The following STXBP5 variants were observed in gnomAD, a reference collection of about 807,000 sequenced individuals.
STXBP5 encodes the protein syntaxin-binding protein 5.
In STXBP5, 50 loss-of-function variants were observed where a neutral mutation model predicts 152.4. That is an observed-to-expected ratio of 0.33 (90% CI 0.26 to 0.42). The LOEUF is 0.42. Ranked by LOEUF, STXBP5 falls within the 10% of genes least tolerant of loss-of-function variation. The pLI is 1.00. For missense variants in STXBP5, 1,167 were observed against 1,388.6 expected, an observed-to-expected ratio of 0.84 and a Z score of 2.54; for synonymous variants, 492 against 494.7, an observed-to-expected ratio of 0.99 and a Z score of 0.07.
intron 21 of STXBP5, among the ~76,000 whole-genome samples, chr6:147,349,153 G>T (rs962772193): frequency 6.6e-6 from 1 of 151,768 alleles, no homozygotes; most frequent in Admixed American, 6.6e-5. Context: ...CATTCATTCT[G>T]TGCATTGAAA....
chr6:147,208,966 C>G (rs1247873294), intron 2 of STXBP5, among the ~76,000 whole-genome samples: 1 of 151,998 alleles, frequency 6.6e-6, no homozygotes, highest in East Asian at 1.9e-4. Flanking sequence ...ATGCTGAATG[C>G]TAAACCTTCT....
chr6:147,363,851 TA>T (rs1785176809), intron 24 of STXBP5, 147 bp downstream of exon 24: 5 of 1,376,266 alleles, frequency 3.6e-6, no homozygotes, highest in Non-Finnish European at 4.9e-6. Flanking sequence ...TGAACAAGTA[TA>T]TGAGGAGTAT....
At chr6:147,214,639 T>C (rs1777066507) in intron 2 of STXBP5, among the ~76,000 whole-genome samples, 1 of 152,244 alleles carries the variant, frequency 6.6e-6, no homozygotes, top group African/African-American at 2.4e-5. Context: ...GTTGAGCCTT[T>C]AAAATTTTGA....
intron 1 of STXBP5, 21 bp from the exon 2 acceptor site, chr6:147,205,950 A>T (rs762625309): frequency 1.3e-6 from 2 of 1,599,192 alleles, no homozygotes. Context: ...GGTTGCTGTG[A>T]TGTCACTTGC....
chr6:147,273,195 T>TA (rs61153710), intron 7 of STXBP5, among the ~76,000 whole-genome samples: 50 of 129,280 alleles, frequency 3.9e-4, no homozygotes, highest in South Asian at 7.6e-4. Context: ...TCTAAAAAAG[T>TA]AAAAAAAAAA....
intron 4 of STXBP5, among the ~76,000 whole-genome samples, chr6:147,256,632 ACT>A (rs1309450721): frequency 6.6e-6 from 1 of 152,154 alleles, no homozygotes; most frequent in Non-Finnish European, 1.5e-5. Context: ...CGAAAAGATA[ACT>A]CTTGTGGCAG....
intron 2 of STXBP5, among the ~76,000 whole-genome samples, chr6:147,227,635 C>T (rs1196446052): frequency 2.6e-5 from 4 of 152,108 alleles, no homozygotes; most frequent in African/African-American, 7.2e-5. Context: ...ATTATGCATA[C>T]TAGCTCTTGG....
intron 8 of STXBP5, among the ~76,000 whole-genome samples, chr6:147,285,519 G>T (rs192138885): frequency 2.4e-3 from 364 of 150,596 alleles, no homozygotes; most frequent in Non-Finnish European, 3.9e-3. Context: ...ATTAATACAG[G>T]ATGATCACTC....
chr6:147,266,975 C>A, intron 6 of STXBP5, 109 bp from the exon 7 acceptor site: 1 of 896,158 alleles, frequency 1.1e-6, no homozygotes, highest in Admixed American at 2.2e-5. Flanking sequence ...TTATATTATA[C>A]ATTTATACTC....
intron 26 of STXBP5, among the ~76,000 whole-genome samples, chr6:147,377,708 A>G (rs1437887976): frequency 1.3e-5 from 2 of 152,110 alleles, no homozygotes; most frequent in African/African-American, 4.8e-5. Context: ...GATGAGGACA[A>G]TACCCTTTTT....
chr6:147,284,871 T>A (rs614476), intron 8 of STXBP5, among the ~76,000 whole-genome samples: 79,968 of 152,084 alleles, frequency 0.53, 21,587 homozygotes, highest in East Asian at 0.73. Flanking sequence ...AATTGAGTTT[T>A]TAGTGAGAAG....
intron 25 of STXBP5, among the ~76,000 whole-genome samples, chr6:147,365,388 A>G (rs9497760): frequency 0.017 from 2,555 of 152,296 alleles, 62 homozygotes; most frequent in African/African-American, 0.057. Context: ...TTAAGAAATA[A>G]TATTGACAAT....
At chr6:147,239,128 A>G (rs1252613727) in intron 3 of STXBP5, 42 bp from the exon 4 acceptor site, 1 of 1,530,636 alleles carries the variant, frequency 6.5e-7, no homozygotes, top group Admixed American at 1.9e-5. Context: ...TCATGTTTAT[A>G]AAATATATTA....
intron 25 of STXBP5, among the ~76,000 whole-genome samples, chr6:147,370,647 C>T (rs371460432): frequency 6.6e-6 from 1 of 151,930 alleles, no homozygotes. Flanking sequence ...AGAGGTGGAA[C>T]ATACCAATTA....
At position 147,274,570 on chromosome 6, in the gene STXBP5, G is replaced by A. The variant is rs1241267867; in HGVS notation, c.715-3511G>A. Among the ~76,000 whole-genome samples the A allele has an allele frequency of 5.3e-5, 8 of 152,178 alleles. No individual in the cohort carries two copies. In the East Asian group the frequency reaches 1.5e-3, roughly 29 times the overall value. ...AGTTTAAAATACTAGGACAAAAGCTGTACAATTTAATGTATTATTTATATG... is the reference window on the plus strand; with the variant it reads ...AGTTTAAAATACTAGGACAAAAGCTATACAATTTAATGTATTATTTATATG... On this transcript the variant is annotated intron_variant, in intron 7 of 27. Transcript: ENST00000321680.
chr6:147,334,371 C>T, intron 19 of STXBP5, 149 bp downstream of exon 19: 1 of 626,602 alleles, frequency 1.6e-6, no homozygotes, highest in South Asian at 2.9e-5. Context: ...TAACTGCATT[C>T]TTTGAATTCT....
At chr6:147,373,872 T>C (rs772206575) in intron 26 of STXBP5, 30 bp downstream of exon 26, 1 of 1,546,466 alleles carries the variant, frequency 6.5e-7, no homozygotes, top group East Asian at 2.2e-5. Flanking sequence ...TCGGATAATA[T>C]ATCTATAAAA....
In STXBP5 at chr6:147,386,150, T is replaced by C. The variant is rs1463384328; in HGVS notation, c.*1395T>C. ...TAAGCAATCTCAGAATACAGACTAA[T>C]CTGAGATTATTATTGATTGTTGTTA... On this transcript the variant is annotated 3_prime_UTR_variant, in exon 28 of 28. Coordinates refer to ENST00000321680, the MANE Select transcript of STXBP5 (RefSeq NM_001127715.4). 2.0e-5 allele frequency: 3 copies of C among 151,956 alleles called. No homozygotes were observed. Among genetic ancestry groups the C allele is most frequent in the Admixed American group, 1.3e-4 (2 of 15,214 alleles). The allele number at this position is 151,956 out of a possible 1,614,324, so 9.4% of individuals were successfully genotyped here.
In STXBP5 at chr6:147,366,137, C is replaced by G. The variant is rs115419099; in HGVS notation, c.3081+1971C>G. 9.1e-3 allele frequency among the ~76,000 whole-genome samples: 1,379 copies of G among 152,218 alleles called. 25 individuals are homozygous for G. The highest frequency in any genetic ancestry group is 0.032 in the African/African-American group (1,327 of 41,556). ...AGGCAGGAACAAGAGTTTGGGGACA[C>G]CAGGTAAATTCGAGAGAAAAGAGCT... On this transcript the variant is annotated intron_variant, in intron 25 of 27. Transcript: ENST00000321680.
Sources: gnomAD v4.1 joint callset for allele counts (sites outside exome capture counted in the v4.1 genomes callset) on GRCh38, gnomAD v4.1.1 for gene constraint, MANE v1.5 for transcripts, NCBI Gene and HGNC (gene_info 2026-07-23, HGNC 2026-07-21) for gene names.